The following PRKG1 variants were observed in gnomAD, a reference collection of about 807,000 sequenced individuals.
The protein encoded by PRKG1 is protein kinase cGMP-dependent 1.
Under a neutral mutation model 88.1 loss-of-function variants are expected in PRKG1, and 35 were observed. The ratio of observed to expected loss-of-function variants is 0.40; its 90% confidence interval spans 0.30 to 0.53. The LOEUF (loss-of-function observed/expected upper bound fraction) is 0.53, where lower values mean the gene tolerates loss of function less well. Ranked by LOEUF, PRKG1 falls within the 20% of genes least tolerant of loss-of-function variation. PRKG1 has a pLI of 0.59. For synonymous variants in PRKG1, 303 were observed against 292.5 expected (o/e 1.04, Z -0.37); for missense variants, 540 against 839.8 (o/e 0.64, Z 4.41).
At chr10:51,164,513 A>G (rs1397574660) in intron 2 of PRKG1, among the ~76,000 whole-genome samples, 2 of 152,266 alleles carry the variant, frequency 1.3e-5, no homozygotes, top group Non-Finnish European at 2.9e-5. Flanking sequence ...AAAGGAACGC[A>G]GCTCCTCACC....
intron 3 of PRKG1, among the ~76,000 whole-genome samples, chr10:51,676,014 A>C (rs10128113): frequency 0.14 from 21,206 of 152,028 alleles, 1,588 homozygotes; most frequent in South Asian, 0.18. Flanking sequence ...CAGTGCTAGT[A>C]ATCCTAGCAT....
chr10:52,247,544 A>G (rs1841057285), intron 9 of PRKG1, among the ~76,000 whole-genome samples: 1 of 152,208 alleles, frequency 6.6e-6, no homozygotes, highest in African/African-American at 2.4e-5. Flanking sequence ...TAAAGAAAAC[A>G]GAACATAATT....
chr10:52,243,353 C>T (rs984649686), intron 9 of PRKG1, among the ~76,000 whole-genome samples: 2 of 152,052 alleles, frequency 1.3e-5, no homozygotes, highest in African/African-American at 4.8e-5. Context: ...ATTATTATAG[C>T]CCAGAAGTCA....
At chr10:52,161,225 A>G (rs1437221041) in intron 8 of PRKG1, among the ~76,000 whole-genome samples, 1 of 152,092 alleles carries the variant, frequency 6.6e-6, no homozygotes, top group African/African-American at 2.4e-5. Context: ...GTCTGAATAC[A>G]GTTCCAGGTG....
chr10:52,021,095 C>A (rs1385116986), intron 5 of PRKG1, among the ~76,000 whole-genome samples: 13 of 152,142 alleles, frequency 8.5e-5, no homozygotes, highest in Admixed American at 8.5e-4. Flanking sequence ...ACACTCAGAA[C>A]ATGTTTTATA....
intron 2 of PRKG1, among the ~76,000 whole-genome samples, chr10:51,398,067 A>G (rs2132661333): frequency 6.6e-6 from 1 of 152,238 alleles, no homozygotes; most frequent in East Asian, 1.9e-4. Flanking sequence ...ATATCCCTCT[A>G]GTTCATTTTG....
intron 5 of PRKG1, 87 bp downstream of exon 5, chr10:51,907,657 A>C (rs1405433640): frequency 3.3e-6 from 4 of 1,211,598 alleles, no homozygotes; most frequent in Middle Eastern, 1.9e-4. Flanking sequence ...GAGGAATCAC[A>C]AACTGCAGAG....
chr10:51,797,869 A>G (rs906813728), intron 3 of PRKG1, among the ~76,000 whole-genome samples: 1 of 151,932 alleles, frequency 6.6e-6, no homozygotes, highest in African/African-American at 2.4e-5. Context: ...TGACTATTCT[A>G]GGACCTCATA....
intron 2 of PRKG1, among the ~76,000 whole-genome samples, chr10:51,178,246 T>G (rs1028970093): frequency 2.6e-5 from 4 of 152,056 alleles, no homozygotes; most frequent in Non-Finnish European, 4.4e-5. Flanking sequence ...CATACATATG[T>G]ATTATAAATC....
chr10:52,111,639 TATAA>T (rs1165617282), intron 7 of PRKG1, among the ~76,000 whole-genome samples: 1 of 152,238 alleles, frequency 6.6e-6, no homozygotes, highest in African/African-American at 2.4e-5. Context: ...TTTCTCTAGA[TATAA>T]ATAGTTTGTT....
chr10:52,133,929 G>T (rs2132635406), intron 8 of PRKG1, 24 bp downstream of exon 8: 1 of 1,581,192 alleles, frequency 6.3e-7, no homozygotes, highest in Non-Finnish European at 8.7e-7. Flanking sequence ...TTTATTATGT[G>T]AATTACACAC....
chr10:51,725,839 A>G (rs1842118721), intron 3 of PRKG1, among the ~76,000 whole-genome samples: 1 of 151,970 alleles, frequency 6.6e-6, no homozygotes, highest in Admixed American at 6.6e-5. Flanking sequence ...GGGTTTCATC[A>G]TGTTGGCTAG....
At chr10:51,673,358 G>A (rs1345083902) in intron 3 of PRKG1, among the ~76,000 whole-genome samples, 5 of 152,210 alleles carry the variant, frequency 3.3e-5, no homozygotes, top group Non-Finnish European at 7.3e-5. Flanking sequence ...AGAGACCAGT[G>A]AAAGTGAGGG....
At position 52,027,159 on chromosome 10, in the gene PRKG1, G is replaced by T. The variant is rs545306907; in HGVS notation, c.763-27325G>T. On this transcript the variant is annotated intron_variant, in intron 5 of 17. Coordinates refer to ENST00000373980, the MANE Select transcript of PRKG1 (RefSeq NM_006258.4). Reference sequence around the variant, plus strand: ...CATATGGTCTGCGTTTTTCCCATTGGCTGGCTCTGTGCCTCTAGGTCACTA... The same window carrying T: ...CATATGGTCTGCGTTTTTCCCATTGTCTGGCTCTGTGCCTCTAGGTCACTA... Among the ~76,000 whole-genome samples the T allele has an allele frequency of 8.2e-4, 125 of 152,152 alleles. 1 individual carries two copies. In the Middle Eastern group the frequency reaches 0.01, roughly 12 times the overall value.
intron 1 of PRKG1, among the ~76,000 whole-genome samples, chr10:51,110,647 C>T (rs1444175432): frequency 6.6e-6 from 1 of 151,900 alleles, no homozygotes; most frequent in Non-Finnish European, 1.5e-5. Context: ...TATGCCAAAA[C>T]TTATCGATTT....
chr10:51,872,083 A>G (rs1248723777), intron 4 of PRKG1, among the ~76,000 whole-genome samples: 1 of 152,046 alleles, frequency 6.6e-6, no homozygotes, highest in Non-Finnish European at 1.5e-5. Flanking sequence ...CCCATTCTTC[A>G]TTTGTTTTGC....
chr10:51,067,270 G>GTATA (rs10612353), intron 1 of PRKG1, among the ~76,000 whole-genome samples: 3,090 of 146,654 alleles, frequency 0.021, 37 homozygotes, highest in Admixed American at 0.03. Flanking sequence ...ATGTATGTGT[G>GTATA]TATATATATA....
At chr10:51,992,447 A>C (rs1844337205) in intron 5 of PRKG1, among the ~76,000 whole-genome samples, 1 of 152,176 alleles carries the variant, frequency 6.6e-6, no homozygotes. Context: ...TGCTGTGTTG[A>C]ATGCTTTAGA....
intron 9 of PRKG1, among the ~76,000 whole-genome samples, chr10:52,226,930 T>C (rs1840403003): frequency 6.6e-6 from 1 of 152,122 alleles, no homozygotes; most frequent in African/African-American, 2.4e-5. Context: ...CCATCCAATA[T>C]TACAGTGAAA....
Sources: gnomAD v4.1 joint callset for allele counts (sites outside exome capture counted in the v4.1 genomes callset) on GRCh38, gnomAD v4.1.1 for gene constraint, MANE v1.5 for transcripts, NCBI Gene and HGNC (gene_info 2026-07-23, HGNC 2026-07-21) for gene names.